Variants in CACNA1A observed in about 807,000 individuals in gnomAD.
The protein encoded by CACNA1A is voltage-dependent P/Q-type calcium channel subunit alpha-1A.
Under a neutral mutation model 262.4 loss-of-function variants are expected in CACNA1A, and 57 were observed. The observed-to-expected ratio is 0.22, with a 90% CI of 0.18 to 0.27. The LOEUF (loss-of-function observed/expected upper bound fraction) is 0.27, where lower values mean the gene tolerates loss of function less well. CACNA1A is among the 10% of genes least tolerant of loss of function. The pLI is 1.00. For missense variants in CACNA1A, 2,526 were observed against 3,562.8 expected (o/e 0.71, Z 7.41); for synonymous variants, 1,431 against 1,419.3 (o/e 1.01, Z -0.18).
At chr19:13,300,351 C>T (rs1011127100) in intron 18 of CACNA1A, among the ~76,000 whole-genome samples, 199 bp downstream of exon 18, 1 of 152,102 alleles carries the variant, frequency 6.6e-6, no homozygotes, top group Non-Finnish European at 1.5e-5. Context: ...GCTGTATCCC[C>T]AGAAGTTAGA....
intron 3 of CACNA1A, among the ~76,000 whole-genome samples, chr19:13,430,058 G>A (rs2060479825): frequency 6.7e-6 from 1 of 149,950 alleles, no homozygotes; most frequent in Admixed American, 6.7e-5. Flanking sequence ...AGTTTCCTGG[G>A]GGCAGAGCTT....
intron 6 of CACNA1A, among the ~76,000 whole-genome samples, chr19:13,348,856 A>AAATTAGCT (rs1408205057): frequency 1.3e-5 from 2 of 151,882 alleles, no homozygotes; most frequent in African/African-American, 2.4e-5. Context: ...AAACCCCCCA[A>AAATTAGCT]AATTAGCTGG....
chr19:13,247,686 C>T (rs555844010), intron 30 of CACNA1A, among the ~76,000 whole-genome samples: 4 of 133,200 alleles, frequency 3.0e-5, no homozygotes, highest in Admixed American at 1.6e-4. Context: ...GGCCACAGAG[C>T]GAGACTCCGT....
intron 19 of CACNA1A, among the ~76,000 whole-genome samples, chr19:13,291,184 G>A (rs199506291): frequency 2.0e-4 from 31 of 152,230 alleles, no homozygotes; most frequent in Admixed American, 6.5e-4. Context: ...TGTGCGTGGC[G>A]TTCTTGTGCC....
chr19:13,218,254 A>T (rs1490122462), intron 38 of CACNA1A, among the ~76,000 whole-genome samples: 1 of 152,000 alleles, frequency 6.6e-6, no homozygotes, highest in Non-Finnish European at 1.5e-5. Context: ...CCACGCCTGG[A>T]TAATTTTCCA....
In CACNA1A at chr19:13,212,042, C is replaced by T; in HGVS notation, c.6303+61G>A. On this transcript the variant is annotated intron_variant, in intron 43 of 46. Transcript: ENST00000360228. This position sits in a 1 kb window ranked among gnomAD's most constrained non-coding sequence, Gnocchi z 5.6. ...ATGCACTGGGCTGCTTGTGGGGGGG[C>T]CTGGCCCTACCCAGTGCAGAGTGAG... 4 of 1,233,120 alleles carry T rather than the reference C, an allele frequency of 3.2e-6. No homozygotes were observed. The highest frequency in any genetic ancestry group is 3.5e-6 in the Non-Finnish European group (3 of 852,670). 76.4% of individuals were successfully genotyped at this position (1,233,120 alleles called of 1,614,324 possible).
chr19:13,429,531 C>CAAAAAA (rs35308275), intron 3 of CACNA1A, among the ~76,000 whole-genome samples: 2 of 57,206 alleles, frequency 3.5e-5, no homozygotes, highest in African/African-American at 5.5e-5. Context: ...TCAAAGCGTC[C>CAAAAAA]AAAAAAAAAA....
chr19:13,238,554 C>A (rs1308925881), intron 31 of CACNA1A, among the ~76,000 whole-genome samples: 9 of 151,246 alleles, frequency 6.0e-5, no homozygotes, highest in African/African-American at 2.2e-4. Flanking sequence ...CTTCCCCCAA[C>A]CTGGTCCTTT....
intron 10 of CACNA1A, among the ~76,000 whole-genome samples, chr19:13,327,367 G>A (rs958087375): frequency 4.6e-5 from 7 of 151,274 alleles, no homozygotes; most frequent in Admixed American, 1.3e-4. Flanking sequence ...TGTAGCAAAC[G>A]TGGCTATGAA....
intron 12 of CACNA1A, among the ~76,000 whole-genome samples, chr19:13,311,881 T>A (rs945129975): frequency 3.8e-5 from 5 of 131,252 alleles, no homozygotes; most frequent in African/African-American, 8.9e-5. Flanking sequence ...ATAAATAAAT[T>A]ATTAAGCCTT....
intron 6 of CACNA1A, 72 bp downstream of exon 6, chr19:13,359,534 G>A (rs2059065285): frequency 8.2e-7 from 1 of 1,220,066 alleles, no homozygotes; most frequent in East Asian, 2.5e-5. Flanking sequence ...CAGCCTTGGA[G>A]TCTCACTGGT....
At chr19:13,274,223 A>C (rs2057093778) in intron 24 of CACNA1A, 1 of 152,332 alleles carries the variant, frequency 6.6e-6, no homozygotes, top group Non-Finnish European at 1.5e-5. Flanking sequence ...ATACATCTCC[A>C]GCTCTGAGGC....
At chr19:13,378,880 G>T (rs1014515982) in intron 3 of CACNA1A, among the ~76,000 whole-genome samples, 1 of 151,798 alleles carries the variant, frequency 6.6e-6, no homozygotes, top group Non-Finnish European at 1.5e-5. Flanking sequence ...TGTTGGCTGG[G>T]CTGGTTTTGA....
At chr19:13,465,832 T>G (rs1303452268) in intron 1 of CACNA1A, among the ~76,000 whole-genome samples, 2 of 152,216 alleles carry the variant, frequency 1.3e-5, no homozygotes, top group Non-Finnish European at 2.9e-5. Flanking sequence ...CAAAGATTAG[T>G]ATTTCATTCC....
chr19:13,237,409 A>G (rs2055912701), intron 31 of CACNA1A, among the ~76,000 whole-genome samples: 1 of 152,176 alleles, frequency 6.6e-6, no homozygotes, highest in East Asian at 1.9e-4. Flanking sequence ...GTGACCATAC[A>G]GTCACAGCCT....
In CACNA1A at chr19:13,452,867, G is replaced by T. The variant is rs369146237; in HGVS notation, c.539+9C>A. 40 of 1,612,440 alleles carry T rather than the reference G, an allele frequency of 2.5e-5. No individual in the cohort carries two copies. Among genetic ancestry groups the T allele is most frequent in the Middle Eastern group, 1.6e-4 (1 of 6,076 alleles). On this transcript the variant is annotated intron_variant, in intron 3 of 46. Coordinates refer to ENST00000360228, the MANE Select transcript of CACNA1A (RefSeq NM_001127222.2). ...GTTAAATCCAAAGCGTATAGCACGC[G>T]CCACTTACCCCGTTAGCACCACCAC...
rs768693060 is a variant in CACNA1A, at chr19:13,259,671, C to G, written c.4281G>C (p.Glu1427Asp). Residue 1427 changes from glutamate (E) to aspartate (D), a missense_variant, in exon 27 of 47, where the codon GAG becomes GAC. This residue lies in a region of CACNA1A where 137 missense variants were observed against 377.7 expected (regional missense o/e 0.36). Transcript: ENST00000360228. Reference sequence around the variant, plus strand: ...TCCACTCCCGGTCTCGCGCCTTCACCTCATTCTTCTCGTAGAGGAGGTATT... The same window carrying G: ...TCCACTCCCGGTCTCGCGCCTTCACGTCATTCTTCTCGTAGAGGAGGTATT... ...RGKYLLYEKN[E>D]VKARDREWKK... 6.2e-7 allele frequency: 1 copy of G among 1,611,296 alleles called. No homozygotes were observed. Among genetic ancestry groups the G allele is most frequent in the Non-Finnish European group, 8.5e-7 (1 of 1,178,760 alleles).
At chr19:13,261,965 C>T (rs2056743955) in intron 25 of CACNA1A, 1 of 197,096 alleles carries the variant, frequency 5.1e-6, no homozygotes, top group Admixed American at 5.6e-5. Flanking sequence ...ATGTTAACAC[C>T]TACCATTGAC....
chr19:13,217,244 G>GAGAC (rs996054082), intron 38 of CACNA1A, among the ~76,000 whole-genome samples: 4 of 152,086 alleles, frequency 2.6e-5, no homozygotes, highest in African/African-American at 9.7e-5. Flanking sequence ...AAGAGAGAGA[G>GAGAC]AGAGACAGAG....
Sources: allele counts gnomAD v4.1 joint callset (sites outside exome capture counted in the v4.1 genomes callset), GRCh38; gene constraint gnomAD v4.1.1; regional missense constraint gnomAD v4.1.1; non-coding constraint Gnocchi (gnomAD v3.1); transcripts MANE v1.5; gene names NCBI Gene and HGNC (gene_info 2026-07-23, HGNC 2026-07-21).